ARHGEF28: variants seen among roughly 807,000 people sequenced by gnomAD.
The protein encoded by ARHGEF28 is 190 kDa guanine nucleotide exchange factor.
ARHGEF28 carries 152 observed loss-of-function variants against 206.6 expected under a neutral mutation model. The observed-to-expected ratio is 0.74, with a 90% CI of 0.64 to 0.84. The LOEUF is 0.84. ARHGEF28 is among the 40% of genes least tolerant of loss of function. ARHGEF28 has a pLI of 0.00. For synonymous variants in ARHGEF28, 763 were observed against 776.4 expected, an observed-to-expected ratio of 0.98 and a Z score of 0.29; for missense variants, 2,028 against 2,073.2, an observed-to-expected ratio of 0.98 and a Z score of 0.42.
At chr5:73,930,953 C>T (rs1163207453) in intron 35 of ARHGEF28, among the ~76,000 whole-genome samples, 1 of 152,136 alleles carries the variant, frequency 6.6e-6, no homozygotes, top group Non-Finnish European at 1.5e-5. Flanking sequence ...ACCTCTGTGC[C>T]CTCAGTCTCA....
At chr5:73,826,835 G>C (rs942501244) in intron 9 of ARHGEF28, among the ~76,000 whole-genome samples, 2 of 152,134 alleles carry the variant, frequency 1.3e-5, no homozygotes, top group African/African-American at 4.8e-5. Flanking sequence ...AGGAAGGATG[G>C]GCTGATGAAA....
At chr5:73,659,514 G>A (rs1189445258) in intron 1 of ARHGEF28, among the ~76,000 whole-genome samples, 1 of 146,988 alleles carries the variant, frequency 6.8e-6, no homozygotes, top group Non-Finnish European at 1.5e-5. Context: ...GGGTGACAGA[G>A]CAAGACTCCG....
chr5:73,663,123 T>C (rs1442486569), intron 1 of ARHGEF28, among the ~76,000 whole-genome samples: 1 of 152,158 alleles, frequency 6.6e-6, no homozygotes, highest in Non-Finnish European at 1.5e-5. Context: ...ACCTGGCTAA[T>C]TTTTGTAATT....
intron 7 of ARHGEF28, among the ~76,000 whole-genome samples, chr5:73,789,963 A>G (rs974957826): frequency 1.3e-5 from 2 of 152,124 alleles, no homozygotes; most frequent in Non-Finnish European, 2.9e-5. Context: ...GGGAAACACT[A>G]TTTCTCGGTT....
At position 73,793,618 on chromosome 5, in the gene ARHGEF28, G is replaced by A. The variant is rs560369652; in HGVS notation, c.911-784G>A. 3.4e-4 allele frequency among the ~76,000 whole-genome samples: 51 copies of A among 152,186 alleles called. 1 individual carries two copies. The South Asian group carries it at 7.5e-3, about 22-fold the overall frequency. On this transcript the variant is annotated intron_variant, in intron 7 of 35. Coordinates refer to ENST00000513042, the MANE Select transcript of ARHGEF28 (RefSeq NM_001177693.2). Reference sequence around the variant, plus strand: ...AATGTTGTATGTTAATGCAAATCTGGGGTAGAGACTTTCAGTCATATGTCC... The same window carrying A: ...AATGTTGTATGTTAATGCAAATCTGAGGTAGAGACTTTCAGTCATATGTCC...
chr5:73,919,715 T>G (rs1763412586), intron 35 of ARHGEF28, among the ~76,000 whole-genome samples: 3 of 152,252 alleles, frequency 2.0e-5, no homozygotes, highest in African/African-American at 7.2e-5. Flanking sequence ...TTTGTCATTT[T>G]AAGTCTAAAG....
rs539311441 is a variant in ARHGEF28 at position 73,891,745 on chromosome 5, G to C, written c.3388-307G>C. Among the ~76,000 whole-genome samples the C allele has an allele frequency of 3.9e-5, 6 of 152,148 alleles. 1 individual carries two copies. Among genetic ancestry groups the C allele is most frequent in the African/African-American group, 1.4e-4 (6 of 41,524 alleles). ...TCACCACATTGGCCAGGCTGGTCTT[G>C]AACTGCTGACCTCAAGTGATTCACC... is the stretch of plus-strand genomic sequence containing the variant. On this transcript the variant is annotated intron_variant, in intron 26 of 35. Transcript: ENST00000513042.
chr5:73,672,060 T>A (rs1268706404), intron 1 of ARHGEF28, among the ~76,000 whole-genome samples: 2 of 152,056 alleles, frequency 1.3e-5, no homozygotes. Flanking sequence ...AGGGCAAAAG[T>A]AAAGCACATG....
intron 2 of ARHGEF28, among the ~76,000 whole-genome samples, chr5:73,725,922 T>G (rs997044568): frequency 6.6e-6 from 1 of 152,220 alleles, no homozygotes; most frequent in Non-Finnish European, 1.5e-5. Context: ...CTTTATTCTT[T>G]CAGGGCTCAA....
At chr5:73,662,135 T>C (rs1408902598) in intron 1 of ARHGEF28, among the ~76,000 whole-genome samples, 1 of 152,190 alleles carries the variant, frequency 6.6e-6, no homozygotes, top group African/African-American at 2.4e-5. Flanking sequence ...CCAGAACAGG[T>C]AGAGAGTAGT....
In ARHGEF28 at chr5:73,741,449, T is replaced by G. The variant is rs1008531170; in HGVS notation, c.34-8388T>G. On this transcript the variant is annotated intron_variant, in intron 2 of 35. Transcript: ENST00000513042. Reference sequence around the variant, plus strand: ...TATATATATATATATATATGTATACTCACTCTGTTGCCCAGGCTGGAGTGC... The same window carrying G: ...TATATATATATATATATATGTATACGCACTCTGTTGCCCAGGCTGGAGTGC... 7.4e-5 allele frequency among the ~76,000 whole-genome samples: 9 copies of G among 121,034 alleles called. No homozygotes were observed. The East Asian group carries it at 2.5e-3, about 33-fold the overall frequency. The allele number at this position is 121,034 out of a possible 152,430, so 79.4% of individuals were successfully genotyped here.
chr5:73,885,762 A>G, intron 24 of ARHGEF28, 88 bp from the exon 25 acceptor site: 1 of 1,325,048 alleles, frequency 7.5e-7, no homozygotes, highest in Non-Finnish European at 1.0e-6. Flanking sequence ...ATTTAACTAT[A>G]TTTTAAAACT....
At chr5:73,823,546 A>C (rs954982765) in intron 9 of ARHGEF28, among the ~76,000 whole-genome samples, 33 of 152,280 alleles carry the variant, frequency 2.2e-4, no homozygotes, top group African/African-American at 7.5e-4. Flanking sequence ...AGTATCTTGA[A>C]AGTTGTTGTA....
chr5:73,900,201 T>A (rs1362797171), intron 30 of ARHGEF28: 2 of 152,216 alleles, frequency 1.3e-5, no homozygotes, highest in Admixed American at 1.3e-4. Context: ...TCCAAAGACA[T>A]AAGTATTTTT....
At chr5:73,788,940 A>G (rs1283454696) in intron 7 of ARHGEF28, among the ~76,000 whole-genome samples, 1 of 152,180 alleles carries the variant, frequency 6.6e-6, no homozygotes, top group Non-Finnish European at 1.5e-5. Context: ...GTGGGGGTTC[A>G]GGAGATGTAA....
At chr5:73,650,928 G>A (rs182289337) in intron 1 of ARHGEF28, among the ~76,000 whole-genome samples, 4 of 152,180 alleles carry the variant, frequency 2.6e-5, no homozygotes, top group Non-Finnish European at 5.9e-5. Context: ...AATACCTTCT[G>A]ATGTATCCAA....
chr5:73,789,590 C>A (rs776245351), intron 7 of ARHGEF28, among the ~76,000 whole-genome samples: 1 of 152,012 alleles, frequency 6.6e-6, no homozygotes, highest in East Asian at 1.9e-4. Context: ...ATAAAGCTGT[C>A]ATAAAAACAT....
intron 2 of ARHGEF28, among the ~76,000 whole-genome samples, chr5:73,702,684 C>A (rs1276495840): frequency 2.0e-5 from 3 of 152,168 alleles, no homozygotes; most frequent in Non-Finnish European, 1.5e-5. Context: ...ATTTTCTCCC[C>A]GTTTTTGCCA....
At chr5:73,781,252 A>G (rs1465831455) in intron 7 of ARHGEF28, among the ~76,000 whole-genome samples, 6 of 152,210 alleles carry the variant, frequency 3.9e-5, no homozygotes, top group African/African-American at 7.2e-5. Flanking sequence ...GAACAGCCCT[A>G]TGCAACTAAG....
Sources: allele counts gnomAD v4.1 joint callset (sites outside exome capture counted in the v4.1 genomes callset), GRCh38; gene constraint gnomAD v4.1.1; transcripts MANE v1.5; gene names NCBI Gene and HGNC (gene_info 2026-07-23, HGNC 2026-07-21).